MTUS2: variants seen among roughly 807,000 people sequenced by gnomAD.
The protein encoded by MTUS2 is microtubule associated scaffold protein 2.
MTUS2 carries 40 observed loss-of-function variants against 114.1 expected under a neutral mutation model. The ratio of observed to expected loss-of-function variants is 0.35; its 90% CI spans 0.27 to 0.46. The LOEUF (loss-of-function observed/expected upper bound fraction) is 0.46, where lower values mean the gene tolerates loss of function less well. MTUS2 is among the 20% of genes least tolerant of loss of function. The pLI is 1.00. For synonymous variants in MTUS2, 688 were observed against 672.0 expected, an observed-to-expected ratio of 1.02 and a Z score of -0.37; for missense variants, 1,679 against 1,705.4, an observed-to-expected ratio of 0.98 and a Z score of 0.27.
chr13:29,441,532 C>T (rs1241749784), intron 9 of MTUS2, among the ~76,000 whole-genome samples: 2 of 134,038 alleles, frequency 1.5e-5, no homozygotes, highest in African/African-American at 5.3e-5. Context: ...TCTGTGTCCC[C>T]ATCTGTTTCT....
chr13:29,380,308 C>T (rs1490158588), intron 8 of MTUS2, among the ~76,000 whole-genome samples: 1 of 152,266 alleles, frequency 6.6e-6, no homozygotes, highest in Non-Finnish European at 1.5e-5. Flanking sequence ...AGCCGTGAAT[C>T]TCAGTGACAT....
At chr13:29,031,590 G>A (rs1886834070) in intron 3 of MTUS2, among the ~76,000 whole-genome samples, 1 of 151,868 alleles carries the variant, frequency 6.6e-6, no homozygotes, top group Non-Finnish European at 1.5e-5. Flanking sequence ...TCTTTAGGAG[G>A]AGTCAGTCTG....
chr13:28,930,388 G>A (rs564259900), intron 2 of MTUS2, among the ~76,000 whole-genome samples: 7 of 152,254 alleles, frequency 4.6e-5, no homozygotes, highest in Admixed American at 2.6e-4. Context: ...TCTCTGGGTC[G>A]GCTTGTGTGT....
intron 2 of MTUS2, among the ~76,000 whole-genome samples, chr13:29,020,206 G>A (rs1013717317): frequency 2.6e-5 from 4 of 152,014 alleles, no homozygotes; most frequent in Admixed American, 2.0e-4. Flanking sequence ...TTACTTCTAA[G>A]GCCATTATTG....
At chr13:29,122,513 G>C (rs1428272562) in intron 5 of MTUS2, among the ~76,000 whole-genome samples, 1 of 152,136 alleles carries the variant, frequency 6.6e-6, no homozygotes, top group African/African-American at 2.4e-5. Context: ...AACAGCATGA[G>C]GATAACCATC....
intron 9 of MTUS2, among the ~76,000 whole-genome samples, chr13:29,441,391 T>G (rs1877855367): frequency 6.6e-6 from 1 of 152,188 alleles, no homozygotes; most frequent in Non-Finnish European, 1.5e-5. Context: ...GTCTCATCCT[T>G]CCTCTTTGCC....
intron 2 of MTUS2, among the ~76,000 whole-genome samples, chr13:28,893,282 G>A (rs1014450764): frequency 3.9e-5 from 6 of 152,290 alleles, no homozygotes; most frequent in Middle Eastern, 3.4e-3. Flanking sequence ...AGGTATTCAT[G>A]TAGGGAAAGA....
At chr13:29,372,251 T>A (rs1871253714) in intron 8 of MTUS2, among the ~76,000 whole-genome samples, 1 of 151,932 alleles carries the variant, frequency 6.6e-6, no homozygotes, top group Non-Finnish European at 1.5e-5. Flanking sequence ...AATTGATTTA[T>A]CACGTCTAGC....
intron 2 of MTUS2, among the ~76,000 whole-genome samples, chr13:29,011,107 T>A (rs796723577): frequency 4.2e-4 from 64 of 152,330 alleles, no homozygotes; most frequent in African/African-American, 1.4e-3. Flanking sequence ...CTATTTTATT[T>A]AAAAAATAAG....
chr13:29,254,933 A>G (rs958200655), intron 5 of MTUS2, among the ~76,000 whole-genome samples: 8 of 152,158 alleles, frequency 5.3e-5, no homozygotes, highest in African/African-American at 1.9e-4. Flanking sequence ...CTCATTCTGT[A>G]CTTTTAAAGT....
intron 4 of MTUS2, among the ~76,000 whole-genome samples, chr13:29,092,652 C>T (rs1198337011): frequency 2.6e-5 from 4 of 152,134 alleles, no homozygotes; most frequent in Non-Finnish European, 4.4e-5. Context: ...GGTGCACAAG[C>T]CAGGCATGGC....
intron 2 of MTUS2, among the ~76,000 whole-genome samples, chr13:28,884,855 C>T (rs199598048): frequency 3.3e-5 from 5 of 151,966 alleles, no homozygotes; most frequent in Non-Finnish European, 7.4e-5. Context: ...ATTTTTGAGA[C>T]AAGCCACAAA....
intron 8 of MTUS2, among the ~76,000 whole-genome samples, chr13:29,365,530 A>C (rs966437740): frequency 1.0e-4 from 1 of 9,658 alleles, no homozygotes; most frequent in East Asian, 0.012. Context: ...GTGTGTGTGT[A>C]ATTAAATGTC....
intron 4 of MTUS2, among the ~76,000 whole-genome samples, chr13:29,034,581 T>A (rs186018131): frequency 6.6e-6 from 1 of 152,280 alleles, no homozygotes; most frequent in African/African-American, 2.4e-5. Flanking sequence ...GGAGGAGAAC[T>A]CCGGGTTTCT....
rs537115057 is a variant in MTUS2 at position 29,505,226 on chromosome 13, C to T, written c.*2020C>T. The T allele has an allele frequency of 1.7e-5, 4 of 231,820 alleles. No homozygotes were observed. Among genetic ancestry groups the T allele is most frequent in the South Asian group, 3.6e-4 (2 of 5,520 alleles). 14.4% of individuals were successfully genotyped at this position (231,820 alleles called of 1,614,324 possible). ...CAAATTCAGTTACAGCTTAGCTGTCCGAATTAGGAACCGCTTACATAGCCG... is the reference window on the plus strand; with the variant it reads ...CAAATTCAGTTACAGCTTAGCTGTCTGAATTAGGAACCGCTTACATAGCCG... On this transcript the variant is annotated 3_prime_UTR_variant, in exon 16 of 16. Coordinates refer to ENST00000612955, the MANE Select transcript of MTUS2 (RefSeq NM_001033602.4).
At chr13:29,200,828 T>A (rs1201593810) in intron 5 of MTUS2, among the ~76,000 whole-genome samples, 1 of 152,086 alleles carries the variant, frequency 6.6e-6, no homozygotes, top group Non-Finnish European at 1.5e-5. Context: ...CTGGAGTCAG[T>A]TTCTTAATCC....
chr13:28,962,406 A>AC (rs1486360581), intron 2 of MTUS2, among the ~76,000 whole-genome samples: 7 of 152,176 alleles, frequency 4.6e-5, no homozygotes, highest in African/African-American at 1.7e-4. Context: ...AATTACCTAG[A>AC]CAAATATAAG....
At chr13:28,943,008 A>G (rs908580832) in intron 2 of MTUS2, among the ~76,000 whole-genome samples, 2 of 152,246 alleles carry the variant, frequency 1.3e-5, no homozygotes, top group African/African-American at 4.8e-5. Context: ...GAAGGTTACC[A>G]TATCCTTATC....
intron 7 of MTUS2, among the ~76,000 whole-genome samples, chr13:29,348,929 TCTA>T (rs901557513): frequency 2.0e-5 from 3 of 152,298 alleles, no homozygotes; most frequent in African/African-American, 7.2e-5. Context: ...CATCTATTTG[TCTA>T]TTGATTTTTA....
Sources: allele counts gnomAD v4.1 joint callset (sites outside exome capture counted in the v4.1 genomes callset), GRCh38; gene constraint gnomAD v4.1.1; transcripts MANE v1.5; gene names NCBI Gene and HGNC (gene_info 2026-07-23, HGNC 2026-07-21).